ASXL3: variants seen among roughly 807,000 people sequenced by gnomAD.
ASXL3 encodes putative Polycomb group protein ASXL3.
ASXL3 carries 34 observed loss-of-function variants against 170.6 expected under a neutral mutation model. The ratio of observed to expected loss-of-function variants is 0.20; its 90% CI spans 0.15 to 0.27. ASXL3 has a LOEUF of 0.27. ASXL3 is among the 10% of genes least tolerant of loss of function. ASXL3 has a pLI of 1.00. For missense variants in ASXL3, 2,592 were observed against 2,695.3 expected (o/e 0.96, Z 0.85); for synonymous variants, 1,002 against 989.1 (o/e 1.01, Z -0.24).
At position 33,739,859 on chromosome 18, in the gene ASXL3, G is replaced by A. The variant is rs752742536; in HGVS notation, c.2455G>A (p.Ala819Thr). 1.9e-6 allele frequency: 3 copies of A among 1,613,802 alleles called. No individual in the cohort carries two copies. The East Asian group carries it at 6.7e-5, about 36-fold the overall frequency. ...EPIIMSSSSI[A>T]PEAFPSEDLH... ...CATCATAATGAGTTCTTCTTCCATT[G>A]CTCCTGAAGCATTTCCGTCTGAAGA... Residue 819 changes from alanine to threonine, a missense_variant, in exon 11 of 12, where the codon GCT (alanine) becomes ACT (threonine). This residue lies in a region of ASXL3 where 2,246 missense variants were observed against 2,219.6 expected (regional missense o/e 1.01). Coordinates refer to ENST00000269197, the MANE Select transcript of ASXL3 (RefSeq NM_030632.3).
At chr18:33,622,591 TC>T (rs796991476) in intron 2 of ASXL3, among the ~76,000 whole-genome samples, 3 of 152,216 alleles carry the variant, frequency 2.0e-5, no homozygotes, top group African/African-American at 7.2e-5. Context: ...AGGTGGGTAG[TC>T]CTATGAGTTA....
At chr18:33,594,861 C>A (rs937805347) in intron 1 of ASXL3, among the ~76,000 whole-genome samples, 9 of 152,110 alleles carry the variant, frequency 5.9e-5, no homozygotes, top group Non-Finnish European at 2.9e-5. Flanking sequence ...AGGCATGAAC[C>A]ACCATGCCTG....
Position 33,739,743 on chromosome 18 carries a change from C to T in ASXL3, c.2339C>T (p.Ser780Phe). 6.2e-7 allele frequency: 1 copy of T among 1,613,854 alleles called. No individual in the cohort carries two copies. ...CCTTCTGTATCTGAAGAGCCACTCT[C>T]CCCGCAGAAAGATGAGTCTTCCGCC... The part of the protein sequence containing the change: ...KSPSVSEEPL[S>F]PQKDESSATA... The change falls in exon 11 of 12, where the codon TCC becomes TTC. Residue 780 changes from serine to phenylalanine, a missense_variant. This residue lies in a region of ASXL3 where 2,246 missense variants were observed against 2,219.6 expected (regional missense o/e 1.01). Transcript: ENST00000269197.
intron 7 of ASXL3, among the ~76,000 whole-genome samples, chr18:33,680,127 A>G (rs1287538376): frequency 6.6e-6 from 1 of 151,976 alleles, no homozygotes; most frequent in African/African-American, 2.4e-5. Flanking sequence ...TTTAAAACCA[A>G]TTGAGTGGCA....
intron 2 of ASXL3, among the ~76,000 whole-genome samples, chr18:33,637,213 C>A (rs1201298964): frequency 7.9e-5 from 12 of 152,030 alleles, no homozygotes. Context: ...CCTAGTTATC[C>A]TAATCATATA....
Position 33,746,592 on chromosome 18 carries a change from A to G in ASXL3, c.6744A>G (p.Arg2248=), listed in dbSNP as rs764641805. The G allele has an allele frequency of 9.5e-6, 15 of 1,578,490 alleles. No homozygotes were observed. The South Asian group carries it at 1.7e-4, about 18-fold the overall frequency. The change falls in exon 12 of 12, where the codon CGA becomes CGG. Residue 2248 remains arginine, a synonymous_variant. Transcript: ENST00000269197. ...TTTGTGTAGCATGCCTGGTTGTACG[A>G]TAAGAGCTGAGTGAAAGATGCAGTA... is the stretch of plus-strand genomic sequence containing the variant. ...SKLCVACLVV[R]
chr18:33,719,534 G>T (rs969760663), intron 8 of ASXL3, among the ~76,000 whole-genome samples: 5 of 151,962 alleles, frequency 3.3e-5, no homozygotes, highest in East Asian at 1.9e-4. Context: ...TAATGGAAAA[G>T]GTATCATTTT....
chr18:33,728,388 A>T (rs2067383129), intron 8 of ASXL3, among the ~76,000 whole-genome samples: 1 of 152,168 alleles, frequency 6.6e-6, no homozygotes, highest in Non-Finnish European at 1.5e-5. Context: ...CTATCTGTAC[A>T]ATATGAATAC....
chr18:33,585,112 T>C (rs1289178597), intron 1 of ASXL3, among the ~76,000 whole-genome samples: 1 of 152,016 alleles, frequency 6.6e-6, no homozygotes, highest in Admixed American at 6.6e-5. Context: ...TCTGTCTTCC[T>C]CCTTCCTTCC....
At chr18:33,702,888 T>G (rs188408779) in intron 8 of ASXL3, among the ~76,000 whole-genome samples, 41 of 152,240 alleles carry the variant, frequency 2.7e-4, no homozygotes, top group Non-Finnish European at 5.9e-5. Flanking sequence ...TGCTCAAGAT[T>G]TTATAATCTG....
chr18:33,633,997 T>C (rs149964809), intron 2 of ASXL3, among the ~76,000 whole-genome samples: 152 of 152,214 alleles, frequency 1.0e-3, no homozygotes, highest in Non-Finnish European at 1.8e-3. Context: ...AATATATGCA[T>C]ATATATGAAT....
chr18:33,658,512 A>G (rs2066118012), intron 4 of ASXL3, among the ~76,000 whole-genome samples: 1 of 152,144 alleles, frequency 6.6e-6, no homozygotes, highest in Admixed American at 6.6e-5. Context: ...AATGTGTATG[A>G]GCACACTGAT....
intron 5 of ASXL3, among the ~76,000 whole-genome samples, chr18:33,670,169 G>A (rs1419629169): frequency 3.3e-5 from 5 of 152,148 alleles, no homozygotes; most frequent in Non-Finnish European, 7.4e-5. Flanking sequence ...GTGATTTTGT[G>A]CAGTGCTCCC....
At chr18:33,693,912 T>C (rs1246716560) in intron 8 of ASXL3, among the ~76,000 whole-genome samples, 1 of 152,086 alleles carries the variant, frequency 6.6e-6, no homozygotes, top group Non-Finnish European at 1.5e-5. Context: ...AAAGTAAGGT[T>C]GGAGGAGCTG....
At chr18:33,729,276 C>T (rs2067402766) in intron 8 of ASXL3, among the ~76,000 whole-genome samples, 1 of 152,172 alleles carries the variant, frequency 6.6e-6, no homozygotes, top group Non-Finnish European at 1.5e-5. Flanking sequence ...CACAGGAGGA[C>T]AGCAGGAGAG....
At chr18:33,695,745 T>G (rs1210432715) in intron 8 of ASXL3, among the ~76,000 whole-genome samples, 2 of 152,144 alleles carry the variant, frequency 1.3e-5, no homozygotes, top group African/African-American at 4.8e-5. Flanking sequence ...ATTAAGCCAC[T>G]TTCTTTCTCT....
chr18:33,658,113 A>T (rs2145225806), intron 4 of ASXL3, among the ~76,000 whole-genome samples: 1 of 152,244 alleles, frequency 6.6e-6, no homozygotes, highest in South Asian at 2.1e-4. Flanking sequence ...TGGATAAAAC[A>T]TCTGTCCTAA....
chr18:33,669,265 A>T (rs2066305069), intron 5 of ASXL3, among the ~76,000 whole-genome samples: 1 of 152,218 alleles, frequency 6.6e-6, no homozygotes, highest in South Asian at 2.1e-4. Context: ...TCCTCATTAA[A>T]TATATTAATA....
chr18:33,710,187 T>C (rs1440021597), intron 8 of ASXL3, among the ~76,000 whole-genome samples: 1 of 152,130 alleles, frequency 6.6e-6, no homozygotes, highest in Non-Finnish European at 1.5e-5. Context: ...ACCCAGGAGA[T>C]GGAGGTTGCA....
Sources: gnomAD v4.1 joint callset for allele counts (sites outside exome capture counted in the v4.1 genomes callset) on GRCh38, gnomAD v4.1.1 for gene constraint, gnomAD v4.1.1 regional missense constraint, MANE v1.5 for transcripts, NCBI Gene and HGNC (gene_info 2026-07-23, HGNC 2026-07-21) for gene names.